Variants in ERCC8 observed in about 807,000 individuals in gnomAD.
ERCC8 encodes DNA excision repair protein ERCC-8.
In ERCC8, 52 loss-of-function variants were observed where a neutral mutation model predicts 54.9. The observed-to-expected ratio is 0.95, with a 90% CI of 0.76 to 1.19. The LOEUF is 1.19. Ranked by LOEUF, ERCC8 falls within the 50% of genes most tolerant of loss-of-function variation. The probability of loss-of-function intolerance (pLI) is 0.00; values close to 1 mark genes in which losing one functional copy is unlikely to be tolerated. For synonymous variants in ERCC8, 146 were observed against 157.2 expected, an observed-to-expected ratio of 0.93 and a Z score of 0.53; for missense variants, 514 against 466.1, an observed-to-expected ratio of 1.10 and a Z score of -0.95.
At chr5:60,931,824 C>T (rs540336849) in intron 1 of ERCC8, among the ~76,000 whole-genome samples, 1 of 152,232 alleles carries the variant, frequency 6.6e-6, no homozygotes, top group South Asian at 2.1e-4. Context: ...AGGTAATCAT[C>T]TTTTCCTTCA....
At chr5:60,919,557 A>T (rs189475809) in intron 3 of ERCC8, 18 of 152,152 alleles carry the variant, frequency 1.2e-4, no homozygotes, top group African/African-American at 3.1e-4. Flanking sequence ...GCAAAAATAC[A>T]AGAACTATAG....
At chr5:60,941,415 G>A (rs1405379743) in intron 1 of ERCC8, among the ~76,000 whole-genome samples, 1 of 152,090 alleles carries the variant, frequency 6.6e-6, no homozygotes, top group Non-Finnish European at 1.5e-5. Context: ...AAAGAACAAA[G>A]CCTTAGGGAT....
At chr5:60,893,435 C>G in intron 9 of ERCC8, 1 of 922,076 alleles carries the variant, frequency 1.1e-6, no homozygotes, top group South Asian at 1.3e-5. Context: ...TTCAGCCTCT[C>G]GATTGGCATG....
chr5:60,924,277 A>C (rs1749687262), intron 2 of ERCC8: 1 of 152,612 alleles, frequency 6.6e-6, no homozygotes, highest in Non-Finnish European at 1.5e-5. Flanking sequence ...CTATCTGCTA[A>C]TATTATTGCT....
rs372237310 is a variant in ERCC8, at chr5:60,887,522, T to C, written c.1042-2A>G. 2 of 1,612,106 alleles carry C rather than the reference T, an allele frequency of 1.2e-6. No individual in the cohort carries two copies. The highest frequency in any genetic ancestry group is 1.7e-6 in the Non-Finnish European group (2 of 1,178,186). Reference sequence around the variant, plus strand: ...GTCTCTGCTACCACTATAAAGTTCCTATAACATAGAAGGCAAAGATGATAC... The same window carrying C: ...GTCTCTGCTACCACTATAAAGTTCCCATAACATAGAAGGCAAAGATGATAC... On this transcript the variant is annotated splice_acceptor_variant, in intron 10 of 11. Transcript: ENST00000676185. LOFTEE classifies it high-confidence loss of function.
Position 60,873,320 on chromosome 5 carries a change from G to A in ERCC8, c.*1295C>T, listed in dbSNP as rs1266647575. ...AAAAAAAAATCAATTGTAAAAGCAA[G>A]TGTTTGGAAAACATTTAGCTGGAAA... On this transcript the variant is annotated 3_prime_UTR_variant, in exon 12 of 12. Coordinates refer to ENST00000676185, the MANE Select transcript of ERCC8 (RefSeq NM_000082.4). Among the ~76,000 whole-genome samples, 3 of 152,106 alleles carry A rather than the reference G, an allele frequency of 2.0e-5. No individual in the cohort carries two copies. Among genetic ancestry groups the A allele is most frequent in the Non-Finnish European group, 4.4e-5 (3 of 68,028 alleles).
At position 60,886,698 on chromosome 5, in the gene ERCC8, T is replaced by C. The variant is rs549334950; in HGVS notation, c.1122+742A>G. On this transcript the variant is annotated intron_variant, in intron 11 of 11. Coordinates refer to ENST00000676185, the MANE Select transcript of ERCC8 (RefSeq NM_000082.4). Reference sequence around the variant, plus strand: ...GCCTGGGCGACAGATTGAGACTCCATCTCAAAAAAATAAAAATAAAAATAA... The same window carrying C: ...GCCTGGGCGACAGATTGAGACTCCACCTCAAAAAAATAAAAATAAAAATAA... Among the ~76,000 whole-genome samples, 6 of 105,060 alleles carry C rather than the reference T, an allele frequency of 5.7e-5. No individual in the cohort carries two copies. The South Asian group carries it at 1.5e-3, about 26-fold the overall frequency. 68.9% of individuals were successfully genotyped at this position (105,060 alleles called of 152,430 possible).
chr5:60,921,913 T>A, intron 3 of ERCC8, 141 bp downstream of exon 3: 2 of 512,984 alleles, frequency 3.9e-6, no homozygotes, highest in Non-Finnish European at 6.9e-6. Context: ...CAAGAAAGTG[T>A]CAAGGAACAG....
At chr5:60,882,110 G>C (rs1309793524) in intron 11 of ERCC8, among the ~76,000 whole-genome samples, 1 of 152,022 alleles carries the variant, frequency 6.6e-6, no homozygotes, top group Non-Finnish European at 1.5e-5. Context: ...CAGAGTGCTG[G>C]GATTACAGGC....
chr5:60,877,790 C>G (rs1022254042), intron 11 of ERCC8, among the ~76,000 whole-genome samples: 1 of 152,172 alleles, frequency 6.6e-6, no homozygotes, highest in African/African-American at 2.4e-5. Context: ...ATGGGGTTTT[C>G]TAGATATACA....
chr5:60,876,341 C>T (rs539536455), intron 11 of ERCC8, among the ~76,000 whole-genome samples: 95 of 152,264 alleles, frequency 6.2e-4, no homozygotes, highest in African/African-American at 2.0e-3. Flanking sequence ...AATAAACATA[C>T]GTGTGCATGT....
At position 60,899,706 on chromosome 5, in the gene ERCC8, T is replaced by C; in HGVS notation, c.639A>G (p.Leu213=). 1 of 1,611,812 alleles carries C rather than the reference T, an allele frequency of 6.2e-7. No homozygotes were observed. The highest frequency in any genetic ancestry group is 8.5e-7 in the Non-Finnish European group (1 of 1,178,430). The change falls in exon 8 of 12, where the codon TTA becomes TTG. Residue 213 remains leucine, a synonymous_variant. Coordinates refer to ENST00000676185, the MANE Select transcript of ERCC8 (RefSeq NM_000082.4). ...ATCCTGATGCTCTTCTCACATCCCATAATTTTACTCTACTGTCAGCACTGA... is the reference window on the plus strand; with the variant it reads ...ATCCTGATGCTCTTCTCACATCCCACAATTTTACTCTACTGTCAGCACTGA... ...ATASADSRVK[L]WDVRRASGCL...
rs918708708 is a variant in ERCC8 at position 60,870,054 on chromosome 5, G to A, written c.*4561C>T. On this transcript the variant is annotated 3_prime_UTR_variant, in exon 12 of 12. Coordinates refer to ENST00000676185, the MANE Select transcript of ERCC8 (RefSeq NM_000082.4). The stretch of plus-strand genomic sequence containing the variant: ...AATTATTAAAAAGTTTCAAGTGGAA[G>A]CCTCCCATATTTCTCCACTATATTT... 5.3e-5 allele frequency among the ~76,000 whole-genome samples: 8 copies of A among 151,950 alleles called. No homozygotes were observed. Among genetic ancestry groups the A allele is most frequent in the African/African-American group, 1.5e-4 (6 of 41,264 alleles).
intron 9 of ERCC8, chr5:60,892,838 T>C (rs182053394): frequency 2.9e-6 from 2 of 690,846 alleles, no homozygotes; most frequent in African/African-American, 1.8e-5. Flanking sequence ...CCACACTGCA[T>C]GCATGGCTGT....
Position 60,870,523 on chromosome 5 carries a change from G to A in ERCC8, c.*4092C>T, listed in dbSNP as rs113144636. Among the ~76,000 whole-genome samples, 8,840 of 146,032 alleles carry A rather than the reference G, an allele frequency of 0.061. 925 individuals carry two copies. Among genetic ancestry groups the A allele is most frequent in the African/African-American group, 0.21 (8,407 of 39,176 alleles). On this transcript the variant is annotated 3_prime_UTR_variant, in exon 12 of 12. Coordinates refer to ENST00000676185, the MANE Select transcript of ERCC8 (RefSeq NM_000082.4). ...AAAAAAAAAAAAAAATTAGCCAGGC[G>A]TGGTGGTGGGCACCTGTAATCCCAG... is the stretch of plus-strand genomic sequence containing the variant.
At chr5:60,877,973 G>C (rs1359076598) in intron 11 of ERCC8, among the ~76,000 whole-genome samples, 1 of 152,172 alleles carries the variant, frequency 6.6e-6, no homozygotes, top group Non-Finnish European at 1.5e-5. Flanking sequence ...AATGCTTCCA[G>C]TTTTTGCCCA....
At chr5:60,876,632 G>C (rs1266531321) in intron 11 of ERCC8, among the ~76,000 whole-genome samples, 3 of 152,194 alleles carry the variant, frequency 2.0e-5, no homozygotes, top group East Asian at 3.8e-4. Flanking sequence ...GATGGCCAGT[G>C]ATGATGAGCA....
At chr5:60,890,215 A>C (rs1369779372) in intron 10 of ERCC8, among the ~76,000 whole-genome samples, 1 of 152,226 alleles carries the variant, frequency 6.6e-6, no homozygotes, top group Non-Finnish European at 1.5e-5. Flanking sequence ...TTGAGCTCTA[A>C]TAATCTGTAA....
intron 1 of ERCC8, 38 bp downstream of exon 1, chr5:60,944,894 T>C (rs760018315): frequency 4.1e-6 from 6 of 1,458,526 alleles, no homozygotes; most frequent in South Asian, 2.3e-5. Flanking sequence ...GTCCAGATTC[T>C]AACTGGCCTG....
Sources: allele counts gnomAD v4.1 joint callset (sites outside exome capture counted in the v4.1 genomes callset), GRCh38; gene constraint gnomAD v4.1.1; transcripts MANE v1.5; gene names NCBI Gene and HGNC (gene_info 2026-07-23, HGNC 2026-07-21).